The following CRACD variants were observed in gnomAD, a reference collection of about 807,000 sequenced individuals.
CRACD encodes the protein capping protein-inhibiting regulator of actin dynamics.
A neutral mutation model predicts 106.8 loss-of-function variants in CRACD; 56 were observed. The observed-to-expected ratio is 0.52, with a 90% CI of 0.42 to 0.66. The LOEUF is 0.66. Among genes scored for constraint, CRACD ranks in the 30% least tolerant of loss-of-function variants. The pLI is 0.00. For missense variants in CRACD, 1,730 were observed against 1,623.2 expected (o/e 1.07, Z -1.13); for synonymous variants, 754 against 670.8 (o/e 1.12, Z -1.92).
At chr4:56,156,713 G>A (rs1444297870) in intron 1 of CRACD, among the ~76,000 whole-genome samples, 1 of 152,160 alleles carries the variant, frequency 6.6e-6, no homozygotes, top group African/African-American at 2.4e-5. Flanking sequence ...GGACCAAACT[G>A]CCTGAGTTTA....
intron 1 of CRACD, among the ~76,000 whole-genome samples, chr4:56,126,906 T>C (rs1560458777): frequency 6.6e-6 from 1 of 152,178 alleles, no homozygotes; most frequent in Non-Finnish European, 1.5e-5. Context: ...TTACTGTTTG[T>C]TTGTTTTCTA....
At chr4:56,088,694 A>G (rs1733313983) in intron 1 of CRACD, among the ~76,000 whole-genome samples, 1 of 152,050 alleles carries the variant, frequency 6.6e-6, no homozygotes, top group South Asian at 2.1e-4. Context: ...ACTACTACTA[A>G]TAATTGAATA....
intron 1 of CRACD, among the ~76,000 whole-genome samples, chr4:56,147,497 G>A (rs1242669515): frequency 6.6e-6 from 1 of 152,060 alleles, no homozygotes; most frequent in Non-Finnish European, 1.5e-5. Context: ...GCCTGTTCTG[G>A]ACATTTTATA....
chr4:56,186,756 G>A (rs1388207778), intron 2 of CRACD, among the ~76,000 whole-genome samples: 1 of 152,118 alleles, frequency 6.6e-6, no homozygotes, highest in African/African-American at 2.4e-5. Context: ...CTCCATGATA[G>A]GATGTAGCTT....
intron 1 of CRACD, among the ~76,000 whole-genome samples, chr4:56,114,297 C>T (rs1380259301): frequency 1.3e-5 from 2 of 151,664 alleles, no homozygotes; most frequent in East Asian, 3.9e-4. Flanking sequence ...ATGGCATCAC[C>T]TCCACTTTTC....
intron 2 of CRACD, among the ~76,000 whole-genome samples, chr4:56,241,233 C>T (rs1287205108): frequency 3.3e-5 from 5 of 152,210 alleles, no homozygotes; most frequent in Admixed American, 3.3e-4. Flanking sequence ...GAGTGGATTT[C>T]TGTTTATTGC....
At chr4:56,264,107 G>C (rs115010566) in intron 2 of CRACD, among the ~76,000 whole-genome samples, 1 of 152,092 alleles carries the variant, frequency 6.6e-6, no homozygotes, top group African/African-American at 2.4e-5. Context: ...GAGAGAGAGC[G>C]AAGGGGAAAA....
At chr4:56,075,232 T>C (rs1403624721) in intron 1 of CRACD, among the ~76,000 whole-genome samples, 2 of 152,210 alleles carry the variant, frequency 1.3e-5, no homozygotes, top group African/African-American at 2.4e-5. Context: ...CCTCTTTTTC[T>C]ATTGTTTGGA....
chr4:56,079,859 A>G (rs562490876), intron 1 of CRACD, among the ~76,000 whole-genome samples: 1 of 152,334 alleles, frequency 6.6e-6, no homozygotes, highest in African/African-American at 2.4e-5. Context: ...AGGCAAGTGT[A>G]GGTTTACCAT....
chr4:56,060,394 G>A (rs191989521), intron 1 of CRACD, among the ~76,000 whole-genome samples: 1 of 152,106 alleles, frequency 6.6e-6, no homozygotes, highest in Non-Finnish European at 1.5e-5. Context: ...ACTCGTAACA[G>A]GGTAGAATAA....
At chr4:56,226,478 G>T (rs1560491617) in intron 2 of CRACD, among the ~76,000 whole-genome samples, 1 of 152,178 alleles carries the variant, frequency 6.6e-6, no homozygotes, top group East Asian at 1.9e-4. Flanking sequence ...GGACTCCAGA[G>T]GACTATAGTG....
chr4:56,237,690 A>G (rs191035495), intron 2 of CRACD, among the ~76,000 whole-genome samples: 46 of 151,680 alleles, frequency 3.0e-4, no homozygotes, highest in Non-Finnish European at 4.4e-5. Context: ...TAATTCCTAG[A>G]ACTGAAATTT....
At chr4:56,227,693 T>C (rs1739378550) in intron 2 of CRACD, among the ~76,000 whole-genome samples, 1 of 152,192 alleles carries the variant, frequency 6.6e-6, no homozygotes, top group Non-Finnish European at 1.5e-5. Flanking sequence ...CAAATGGGTA[T>C]TCCAACAAAA....
At chr4:56,233,621 A>G (rs989888973) in intron 2 of CRACD, among the ~76,000 whole-genome samples, 1 of 152,172 alleles carries the variant, frequency 6.6e-6, no homozygotes, top group African/African-American at 2.4e-5. Context: ...TATAACACTT[A>G]AAGTCAGATA....
At chr4:56,287,752 C>A (rs1170810169) in intron 3 of CRACD, among the ~76,000 whole-genome samples, 4 of 152,036 alleles carry the variant, frequency 2.6e-5, no homozygotes, top group Non-Finnish European at 4.4e-5. Context: ...TGGGTAAAAT[C>A]TTGGAGTTTA....
chr4:56,182,671 A>C (rs1736882399), intron 2 of CRACD, among the ~76,000 whole-genome samples: 1 of 152,138 alleles, frequency 6.6e-6, no homozygotes, highest in Admixed American at 6.5e-5. Flanking sequence ...AGAGCTCACA[A>C]CTGATGTTCT....
At chr4:56,292,472 A>G (rs531128013) in intron 3 of CRACD, among the ~76,000 whole-genome samples, 3 of 150,856 alleles carry the variant, frequency 2.0e-5, no homozygotes, top group Admixed American at 6.6e-5. Flanking sequence ...TTGCTGTTTG[A>G]AGCCTTCAAG....
chr4:56,151,385 A>T (rs1488531320), intron 1 of CRACD, among the ~76,000 whole-genome samples: 2 of 152,136 alleles, frequency 1.3e-5, no homozygotes, highest in African/African-American at 4.8e-5. Flanking sequence ...GCTTATTATT[A>T]TAACGCATTG....
chr4:56,062,924 C>T (rs1375746316), intron 1 of CRACD, among the ~76,000 whole-genome samples: 6 of 152,196 alleles, frequency 3.9e-5, no homozygotes, highest in African/African-American at 1.4e-4. Flanking sequence ...TTTACAGTCC[C>T]TGCTGTAGAT....
Sources: allele counts gnomAD v4.1 joint callset (sites outside exome capture counted in the v4.1 genomes callset), GRCh38; gene constraint gnomAD v4.1.1; transcripts MANE v1.5; gene names NCBI Gene and HGNC (gene_info 2026-07-23, HGNC 2026-07-21).